Variants in CYP4F3 observed in about 807,000 individuals in gnomAD.
CYP4F3 encodes cytochrome P450 family 4 subfamily F member 3.
CYP4F3 carries 50 observed loss-of-function variants against 54.8 expected under a neutral mutation model. The observed-to-expected ratio is 0.91, with a 90% confidence interval of 0.73 to 1.16. The LOEUF (loss-of-function observed/expected upper bound fraction) is 1.16, where lower values mean the gene tolerates loss of function less well. Ranked by LOEUF, CYP4F3 falls within the 50% of genes most tolerant of loss-of-function variation. The probability of loss-of-function intolerance (pLI) is 0.00; values close to 1 mark genes in which losing one functional copy is unlikely to be tolerated. For synonymous variants in CYP4F3, 244 were observed against 262.6 expected, an observed-to-expected ratio of 0.93 and a Z score of 0.69; for missense variants, 715 against 676.2, an observed-to-expected ratio of 1.06 and a Z score of -0.64.
intron 7 of CYP4F3, among the ~76,000 whole-genome samples, chr19:15,650,655 C>CTTCTTT (rs957075140): frequency 0.019 from 1,356 of 70,244 alleles, 479 homozygotes; most frequent in East Asian, 0.15. Context: ...CCCTCCCTGC[C>CTTCTTT]TTCTTTTTCT....
At chr19:15,651,270 T>C (rs1972847510) in intron 7 of CYP4F3, among the ~76,000 whole-genome samples, 1 of 140,534 alleles carries the variant, frequency 7.1e-6, no homozygotes, top group Non-Finnish European at 1.6e-5. Context: ...GTCTTTTTCT[T>C]TTCTCTGTGT....
rs28371535 is a variant in CYP4F3, at chr19:15,649,321, C to T, written c.647+40C>T. ...AGGGTCTGGGATCCTGGGCCGTGGA[C>T]ACAAAGTTGGTAGGTGGGGGGCTGG... On this transcript the variant is annotated intron_variant, in intron 6 of 12. Coordinates refer to ENST00000221307, the MANE Select transcript of CYP4F3 (RefSeq NM_000896.3). 10,686 of 1,611,026 alleles carry T rather than the reference C, an allele frequency of 6.6e-3. 69 individuals are homozygous for T. Among genetic ancestry groups the T allele is most frequent in the Non-Finnish European group, 7.7e-3 (9,065 of 1,178,106 alleles).
At chr19:15,657,181 A>G (rs1479849535) in intron 9 of CYP4F3, among the ~76,000 whole-genome samples, 1 of 152,234 alleles carries the variant, frequency 6.6e-6, no homozygotes, top group Non-Finnish European at 1.5e-5. Flanking sequence ...AACTTTTGCT[A>G]AACTGGACAT....
chr19:15,646,970 C>A, intron 3 of CYP4F3, 82 bp from the exon 4 acceptor site: 1 of 1,581,990 alleles, frequency 6.3e-7, no homozygotes, highest in Non-Finnish European at 8.6e-7. Flanking sequence ...AAGTGCAAAC[C>A]TCTTGCTGGG....
At chr19:15,651,714 T>C (rs1464620046) in intron 7 of CYP4F3, among the ~76,000 whole-genome samples, 1 of 152,176 alleles carries the variant, frequency 6.6e-6, no homozygotes, top group African/African-American at 2.4e-5. Flanking sequence ...TGTCTATGAG[T>C]ATTTGTGTCT....
At chr19:15,643,856 A>G in intron 2 of CYP4F3, 1 of 1,469,726 alleles carries the variant, frequency 6.8e-7, no homozygotes, top group African/African-American at 1.4e-5. Flanking sequence ...AGTCAAGTGG[A>G]CACCTAGAAT....
chr19:15,653,856 C>T (rs980210300), intron 9 of CYP4F3, among the ~76,000 whole-genome samples: 4 of 151,170 alleles, frequency 2.6e-5, no homozygotes, highest in Admixed American at 2.0e-4. Flanking sequence ...GATGATAAAA[C>T]TGGAGATGGT....
In CYP4F3 at chr19:15,659,443, G is replaced by A. The variant is rs34469028; in HGVS notation, c.*58G>A. On this transcript the variant is annotated 3_prime_UTR_variant, in exon 13 of 13. Transcript: ENST00000221307. ...ATGACCCCTGATTCATCAAAAGTGAGGCCTAGAATTACCCTAAGACCCTGT... is the reference window on the plus strand; with the variant it reads ...ATGACCCCTGATTCATCAAAAGTGAAGCCTAGAATTACCCTAAGACCCTGT... 7.9e-4 allele frequency: 1,250 copies of A among 1,587,874 alleles called. No individual in the cohort carries two copies. Among genetic ancestry groups the A allele is most frequent in the African/African-American group, 5.8e-3 (431 of 73,854 alleles).
intron 2 of CYP4F3, chr19:15,643,824 C>T: frequency 1.5e-6 from 2 of 1,376,308 alleles, no homozygotes; most frequent in South Asian, 1.7e-5. Flanking sequence ...GGATGATCAA[C>T]TATCTGGGCA....
At chr19:15,650,680 CTT>C (rs1373137557) in intron 7 of CYP4F3, among the ~76,000 whole-genome samples, 5 of 58,074 alleles carry the variant, frequency 8.6e-5, no homozygotes, top group African/African-American at 2.8e-4. Flanking sequence ...TTCTTTCTTT[CTT>C]TCTTTCTTTC....
At chr19:15,654,135 A>G (rs1398800064) in intron 9 of CYP4F3, among the ~76,000 whole-genome samples, 1 of 152,196 alleles carries the variant, frequency 6.6e-6, no homozygotes, top group Non-Finnish European at 1.5e-5. Flanking sequence ...TCTTGGACTC[A>G]GTGTCCTCCC....
intron 2 of CYP4F3, chr19:15,644,109 C>G (rs1295066610): frequency 6.8e-7 from 1 of 1,464,860 alleles, no homozygotes; most frequent in Non-Finnish European, 9.0e-7. Flanking sequence ...CTGCAAGTCC[C>G]TCTATCCCCA....
chr19:15,643,639 G>A (rs554265003), intron 2 of CYP4F3, among the ~76,000 whole-genome samples: 4 of 152,278 alleles, frequency 2.6e-5, no homozygotes, highest in African/African-American at 9.6e-5. Context: ...CCAAGGGCAG[G>A]AGAAGATGGA....
rs1568399665 is a variant in CYP4F3 at position 15,652,717 on chromosome 19, C to T, written c.985+82C>T. The T allele has an allele frequency of 4.3e-6, 7 of 1,609,358 alleles. No individual in the cohort carries two copies. In the South Asian group the frequency reaches 6.6e-5, roughly 15 times the overall value. On this transcript the variant is annotated intron_variant, in intron 8 of 12. Transcript: ENST00000221307. ...AGGGTGGGTGGACCCCTCGCACTTC[C>T]CATCCCCCTTCCCCCATCCTCCCTG...
chr19:15,646,831 T>C (rs929488611), intron 3 of CYP4F3, among the ~76,000 whole-genome samples: 1 of 152,128 alleles, frequency 6.6e-6, no homozygotes, highest in Non-Finnish European at 1.5e-5. Flanking sequence ...AGCTCCTACG[T>C]GCCATGTTAG....
intron 3 of CYP4F3, among the ~76,000 whole-genome samples, chr19:15,646,625 C>T (rs1375128069): frequency 6.6e-6 from 1 of 152,146 alleles, no homozygotes; most frequent in Non-Finnish European, 1.5e-5. Flanking sequence ...GACTTGTGAA[C>T]ACATGTCAGT....
At chr19:15,658,660 C>A (rs1973100109) in intron 11 of CYP4F3, 67 bp from the exon 12 acceptor site, 7 of 1,609,470 alleles carry the variant, frequency 4.3e-6, no homozygotes, top group South Asian at 1.1e-5. Flanking sequence ...AGACACACAC[C>A]ACTGTCTCTC....
intron 8 of CYP4F3, 76 bp from the exon 9 acceptor site, chr19:15,652,747 C>A: frequency 6.2e-7 from 1 of 1,602,578 alleles, no homozygotes. Flanking sequence ...TCCCTGAGGT[C>A]CTCAATGCAA....
rs573524019 is a variant in CYP4F3, at chr19:15,661,568, G to C, written c.*2183G>C. On this transcript the variant is annotated 3_prime_UTR_variant, in exon 13 of 13. Transcript: ENST00000221307. ...ACTCCTATATTTTCTTTGGTGAAGT[G>C]TCTGTTCAATCATCTGCTCATTAAA... 36 of 152,254 alleles carry C rather than the reference G, an allele frequency of 2.4e-4. No individual in the cohort carries two copies. The highest frequency in any genetic ancestry group is 7.7e-4 in the African/African-American group (32 of 41,532). The allele number at this position is 152,254 out of a possible 1,614,324, so 9.4% of individuals were successfully genotyped here. A position where few individuals can be genotyped will look rare whatever the true frequency, so the allele number is the denominator to read the frequency against.
Sources: gnomAD v4.1 joint callset for allele counts (sites outside exome capture counted in the v4.1 genomes callset) on GRCh38, gnomAD v4.1.1 for gene constraint, MANE v1.5 for transcripts, NCBI Gene and HGNC (gene_info 2026-07-23, HGNC 2026-07-21) for gene names.